The following WSCD2 variants were observed in gnomAD, a reference collection of about 807,000 sequenced individuals.
WSCD2 encodes the protein WSC domain sialate O sulfotransferase 2.
WSCD2 carries 28 observed loss-of-function variants against 55.7 expected under a neutral mutation model. That is an observed-to-expected ratio of 0.50 (90% CI 0.37 to 0.69). The LOEUF is 0.69. Ranked by LOEUF, WSCD2 falls within the 30% of genes least tolerant of loss-of-function variation. The pLI is 0.00. For synonymous variants in WSCD2, 301 were observed against 301.9 expected (o/e 1.00, Z 0.03); for missense variants, 616 against 762.1 (o/e 0.81, Z 2.26).
chr12:108,213,481 T>C (rs540838895), intron 4 of WSCD2, among the ~76,000 whole-genome samples: 3 of 152,226 alleles, frequency 2.0e-5, no homozygotes, highest in Non-Finnish European at 4.4e-5. Flanking sequence ...CTGCATTTTA[T>C]ATTTGTAGAA....
At chr12:108,155,295 C>G (rs1329799055) in intron 1 of WSCD2, among the ~76,000 whole-genome samples, 2 of 152,102 alleles carry the variant, frequency 1.3e-5, no homozygotes, top group Non-Finnish European at 2.9e-5. Context: ...ATGATTGTGG[C>G]CCCCGTACCC....
chr12:108,221,805 T>A (rs1469389255), intron 4 of WSCD2, among the ~76,000 whole-genome samples: 1 of 152,196 alleles, frequency 6.6e-6, no homozygotes, highest in Non-Finnish European at 1.5e-5. Flanking sequence ...CTCCCAGTCC[T>A]CGTTTATATG....
intron 4 of WSCD2, among the ~76,000 whole-genome samples, chr12:108,214,813 T>A (rs1301828488): frequency 1.3e-5 from 2 of 152,244 alleles, no homozygotes; most frequent in African/African-American, 4.8e-5. Context: ...GCTTACACTA[T>A]CACTGAAAAA....
intron 7 of WSCD2, among the ~76,000 whole-genome samples, chr12:108,237,691 G>T (rs1889378707): frequency 6.6e-6 from 1 of 152,166 alleles, no homozygotes; most frequent in African/African-American, 2.4e-5. Context: ...CTGCTAAATG[G>T]AATTTTCTCT....
chr12:108,241,407 T>C (rs2137233763), intron 8 of WSCD2, among the ~76,000 whole-genome samples: 1 of 152,316 alleles, frequency 6.6e-6, no homozygotes, highest in Admixed American at 6.5e-5. Context: ...ATATCCATTA[T>C]AGGATGATCT....
intron 1 of WSCD2, among the ~76,000 whole-genome samples, chr12:108,178,664 G>A (rs1881227652): frequency 6.6e-6 from 1 of 152,114 alleles, no homozygotes; most frequent in Non-Finnish European, 1.5e-5. Flanking sequence ...TGAAACACTG[G>A]TATTATTCTT....
chr12:108,240,445 C>G lies in WSCD2; in HGVS notation c.1246C>G (p.Leu416Val). The G allele has an allele frequency of 3.7e-6, 6 of 1,614,148 alleles. No individual in the cohort carries two copies. Among genetic ancestry groups the G allele is most frequent in the Non-Finnish European group, 4.2e-6 (5 of 1,180,038 alleles). Reference protein sequence around the residue: ...KEIEAFDAAILLIRNPYKALM... With the variant: ...KEIEAFDAAIVLIRNPYKALM... ...GATCGAGGCCTTCGACGCCGCCATC[C>G]TGCTCATCCGCAACCCCTACAAAGC... The change falls in exon 8 of 9, where the codon CTG becomes GTG. Residue 416 changes from leucine to valine, a missense_variant. Coordinates refer to ENST00000547525, the MANE Select transcript of WSCD2 (RefSeq NM_014653.4).
At chr12:108,227,674 A>G (rs1888261392) in intron 6 of WSCD2, among the ~76,000 whole-genome samples, 1 of 151,880 alleles carries the variant, frequency 6.6e-6, no homozygotes, top group Admixed American at 6.5e-5. Context: ...ATCCACACTT[A>G]CTGTTATCTC....
intron 4 of WSCD2, among the ~76,000 whole-genome samples, chr12:108,221,298 T>C (rs940520027): frequency 2.6e-5 from 4 of 152,156 alleles, no homozygotes; most frequent in African/African-American, 9.7e-5. Context: ...CTCACGCCTG[T>C]AATTCCAGCA....
At chr12:108,197,634 C>T (rs985208070) in intron 2 of WSCD2, among the ~76,000 whole-genome samples, 3 of 152,050 alleles carry the variant, frequency 2.0e-5, no homozygotes, top group Non-Finnish European at 4.4e-5. Flanking sequence ...AGGAAGTGCT[C>T]CTGGGATCTC....
Position 108,247,491 on chromosome 12 carries a change from G to A in WSCD2, c.1346-500G>A, listed in dbSNP as rs527882335. Among the ~76,000 whole-genome samples, 12 of 152,300 alleles carry A rather than the reference G, an allele frequency of 7.9e-5. No individual in the cohort carries two copies. In the South Asian group the frequency reaches 2.1e-3, roughly 26 times the overall value. On this transcript the variant is annotated intron_variant, in intron 8 of 8. Coordinates refer to ENST00000547525, the MANE Select transcript of WSCD2 (RefSeq NM_014653.4). The stretch of plus-strand genomic sequence containing the variant: ...GTCAAGAATATTCCAGGGAGAAACA[G>A]CATTGAGGTGAGAAGTATCGGGGTG...
At chr12:108,164,162 T>TTTTTTTTTTTTTTTTTG (rs1249949060) in intron 1 of WSCD2, among the ~76,000 whole-genome samples, 1 of 144,558 alleles carries the variant, frequency 6.9e-6, no homozygotes, top group Non-Finnish European at 1.5e-5. Context: ...TTTTTTTTTT[T>TTTTTTTTTTTTTTTTTG]CAGAGAGGGG....
intron 4 of WSCD2, among the ~76,000 whole-genome samples, chr12:108,214,485 C>A (rs1421734726): frequency 1.3e-5 from 2 of 152,248 alleles, no homozygotes; most frequent in Non-Finnish European, 2.9e-5. Context: ...CTTTCTTGGT[C>A]AGATTACATT....
At chr12:108,212,040 G>C (rs913889097) in intron 4 of WSCD2, among the ~76,000 whole-genome samples, 1 of 152,024 alleles carries the variant, frequency 6.6e-6, no homozygotes, top group African/African-American at 2.4e-5. Flanking sequence ...TTGCAAACTG[G>C]CTGGTTTTTC....
intron 1 of WSCD2, among the ~76,000 whole-genome samples, chr12:108,141,088 T>C (rs1876753492): frequency 6.6e-6 from 1 of 152,208 alleles, no homozygotes; most frequent in Non-Finnish European, 1.5e-5. Context: ...ATGGAGTCTG[T>C]ATCACCCAGG....
At chr12:108,231,895 AG>A (rs1311758333) in intron 6 of WSCD2, among the ~76,000 whole-genome samples, 20 of 152,188 alleles carry the variant, frequency 1.3e-4, no homozygotes, top group African/African-American at 4.3e-4. Flanking sequence ...GAGGAGAGAC[AG>A]GAAGGGAGGA....
At position 108,206,680 on chromosome 12, in the gene WSCD2, CAGCT is replaced by C. The variant is rs1885423290; in HGVS notation, c.497+282_497+285del. Among the ~76,000 whole-genome samples, 11 of 152,324 alleles carry C rather than the reference CAGCT, an allele frequency of 7.2e-5. No individual in the cohort carries two copies. The South Asian group carries it at 2.3e-3, about 32-fold the overall frequency. On this transcript the variant is annotated intron_variant, in intron 3 of 8. Transcript: ENST00000547525. ...TTTTGTAGCATACAGGGTACAGGGT[CAGCT>C]AGCTGTGTTTGTGAGCTTAATGCCA...
intron 1 of WSCD2, among the ~76,000 whole-genome samples, chr12:108,174,402 CTT>C (rs1880568923): frequency 6.6e-6 from 1 of 152,134 alleles, no homozygotes; most frequent in Non-Finnish European, 1.5e-5. Context: ...TCACCTGTAA[CTT>C]AGAGACAATC....
chr12:108,171,821 C>T (rs1880285405), intron 1 of WSCD2: 1 of 152,108 alleles, frequency 6.6e-6, no homozygotes, highest in Non-Finnish European at 1.5e-5. Flanking sequence ...AGTGTACCTG[C>T]TTGTAAAATA....
Sources: gnomAD v4.1 joint callset for allele counts (sites outside exome capture counted in the v4.1 genomes callset) on GRCh38, gnomAD v4.1.1 for gene constraint, MANE v1.5 for transcripts, NCBI Gene and HGNC (gene_info 2026-07-23, HGNC 2026-07-21) for gene names.